SPECC1: variants seen among roughly 807,000 people sequenced by gnomAD.
The protein encoded by SPECC1 is cytospin-B.
In SPECC1, 62 loss-of-function variants were observed where a neutral mutation model predicts 104.1. The observed-to-expected ratio is 0.60, with a 90% CI of 0.49 to 0.74. The LOEUF (loss-of-function observed/expected upper bound fraction) is 0.74, where lower values mean the gene tolerates loss of function less well. SPECC1 is among the 30% of genes least tolerant of loss of function. The probability of loss-of-function intolerance (pLI) is 0.00; values close to 1 mark genes in which losing one functional copy is unlikely to be tolerated. For synonymous variants in SPECC1, 513 were observed against 501.6 expected (o/e 1.02, Z -0.30); for missense variants, 1,306 against 1,310.5 (o/e 1.00, Z 0.05).
At chr17:20,084,023 A>G (rs967284344) in intron 1 of SPECC1, among the ~76,000 whole-genome samples, 3 of 152,176 alleles carry the variant, frequency 2.0e-5, no homozygotes, top group Non-Finnish European at 2.9e-5. Flanking sequence ...TTGCCATCCA[A>G]ATATCTTGTG....
intron 1 of SPECC1, among the ~76,000 whole-genome samples, chr17:20,010,496 C>G (rs2043904547): frequency 1.3e-5 from 2 of 152,196 alleles, no homozygotes; most frequent in African/African-American, 4.8e-5. Flanking sequence ...ACAGGCTTGT[C>G]AATCCTAATA....
At chr17:20,156,334 C>T (rs527784255) in intron 3 of SPECC1, 2 of 1,255,582 alleles carry the variant, frequency 1.6e-6, no homozygotes. Context: ...CCGACTGGGG[C>T]GAGCGAAAGG....
intron 1 of SPECC1, among the ~76,000 whole-genome samples, chr17:20,044,742 G>A (rs1309255209): frequency 1.3e-5 from 2 of 152,170 alleles, no homozygotes; most frequent in Non-Finnish European, 2.9e-5. Flanking sequence ...GCTGAGTCTA[G>A]CTTTGAGACT....
intron 3 of SPECC1, among the ~76,000 whole-genome samples, chr17:20,164,355 C>T (rs1359082477): frequency 6.6e-6 from 1 of 151,720 alleles, no homozygotes; most frequent in Admixed American, 6.6e-5. Context: ...TTGGTGCAGA[C>T]GGGGTCTCAC....
In SPECC1 at chr17:20,096,709, GACC is replaced by G; in HGVS notation, c.59_61del (p.Asp20_Arg21delinsGly). 1.9e-6 allele frequency: 3 copies of G among 1,614,252 alleles called. No individual in the cohort carries two copies. The highest frequency in any genetic ancestry group is 2.5e-6 in the Non-Finnish European group (3 of 1,180,026). ...CATCAGAGCAGGGGGCCACGGCCCA[GACC>G]GGGTGCGGCCTCTGCCTGCAGCCTC... On this transcript the variant is annotated inframe_deletion, in exon 2 of 15. Transcript: ENST00000395527.
At chr17:20,083,002 G>GTTCGTTCGTTCGTTCA (rs1198476937) in intron 1 of SPECC1, among the ~76,000 whole-genome samples, 8 of 145,906 alleles carry the variant, frequency 5.5e-5, no homozygotes, top group African/African-American at 1.6e-4. Context: ...TCGTTCGTTC[G>GTTCGTTCGTTCGTTCA]TTCATTCATC....
intron 1 of SPECC1, among the ~76,000 whole-genome samples, chr17:20,025,041 G>T (rs1259261444): frequency 6.6e-6 from 1 of 152,182 alleles, no homozygotes; most frequent in Non-Finnish European, 1.5e-5. Context: ...TATAAGTTTA[G>T]CCTAGTCAGT....
chr17:20,306,353 C>G (rs971834829), intron 14 of SPECC1, among the ~76,000 whole-genome samples: 3 of 152,102 alleles, frequency 2.0e-5, no homozygotes, highest in African/African-American at 7.2e-5. Flanking sequence ...TTCAGAACAC[C>G]TAGAAATCTG....
intron 14 of SPECC1, among the ~76,000 whole-genome samples, chr17:20,307,172 A>T (rs2041792049): frequency 6.6e-6 from 1 of 152,250 alleles, no homozygotes; most frequent in African/African-American, 2.4e-5. Flanking sequence ...TAAAAAATAT[A>T]AAATATAATG....
intron 12 of SPECC1, among the ~76,000 whole-genome samples, chr17:20,277,692 T>C (rs2040618657): frequency 6.6e-6 from 1 of 152,234 alleles, no homozygotes; most frequent in Admixed American, 6.5e-5. Flanking sequence ...GTTTTCATCA[T>C]CCCAAACTGA....
At chr17:20,258,847 G>T (rs1169525822) in intron 11 of SPECC1, among the ~76,000 whole-genome samples, 1 of 152,138 alleles carries the variant, frequency 6.6e-6, no homozygotes, top group Admixed American at 6.5e-5. Flanking sequence ...CACTTTTTTG[G>T]GTGTTTAGTT....
At chr17:20,040,610 G>A (rs918988974) in intron 1 of SPECC1, among the ~76,000 whole-genome samples, 3 of 152,222 alleles carry the variant, frequency 2.0e-5, no homozygotes, top group Admixed American at 6.5e-5. Context: ...ATTTTGTGTT[G>A]ACACTTCTTT....
intron 7 of SPECC1, chr17:20,238,191 G>A (rs2039022906): frequency 2.5e-5 from 26 of 1,036,982 alleles, no homozygotes; most frequent in Non-Finnish European, 2.6e-5. Context: ...ATGTTATTAA[G>A]CCGGATAGGT....
At chr17:20,225,467 G>A (rs2038143385) in intron 4 of SPECC1, among the ~76,000 whole-genome samples, 1 of 152,198 alleles carries the variant, frequency 6.6e-6, no homozygotes, top group Non-Finnish European at 1.5e-5. Flanking sequence ...CTCTGGCTAG[G>A]GCTGGTCTAA....
intron 1 of SPECC1, among the ~76,000 whole-genome samples, chr17:20,079,228 C>T (rs1047584246): frequency 1.5e-4 from 23 of 151,804 alleles, no homozygotes; most frequent in African/African-American, 5.4e-4. Context: ...GGCTCGTAGA[C>T]GCCCCCGAGG....
chr17:20,208,690 G>A (rs190954557), intron 4 of SPECC1, among the ~76,000 whole-genome samples: 209 of 152,298 alleles, frequency 1.4e-3, no homozygotes, highest in Middle Eastern at 3.4e-3. Flanking sequence ...TCCTGGTCTC[G>A]TATCTAATTC....
rs2043855989 is a variant in SPECC1 at position 20,009,474 on chromosome 17, C to A, written c.-22+50C>A. 1 of 152,242 alleles carries A rather than the reference C, an allele frequency of 6.6e-6. No individual in the cohort carries two copies. Among genetic ancestry groups the A allele is most frequent in the Admixed American group, 6.5e-5 (1 of 15,274 alleles). 9.4% of individuals were successfully genotyped at this position (152,242 alleles called of 1,614,324 possible). On this transcript the variant is annotated intron_variant, in intron 1 of 14. Coordinates refer to ENST00000395527, the MANE Select transcript of SPECC1 (RefSeq NM_001243439.2). The surrounding 1 kb of genome is among the most constrained non-coding windows in gnomAD (Gnocchi z 5.2). ...CCGCCCGCCGGCCGGCTCTTTGCGC[C>A]TCAGCCGCGTGGTCTGAAGGGATGG...
chr17:20,299,193 C>T (rs1037624221), intron 13 of SPECC1, among the ~76,000 whole-genome samples: 1 of 151,678 alleles, frequency 6.6e-6, no homozygotes, highest in Non-Finnish European at 1.5e-5. Context: ...AAGGCCTTCA[C>T]CTGATTAGAT....
rs1395919924 is a variant in SPECC1, at chr17:20,298,984, G to GTGTGTGTGTGTGTGTGT, written c.3057+1907_3057+1908insTGTGTGTGTGTGTGTGT. Among the ~76,000 whole-genome samples, 374 of 76,672 alleles carry GTGTGTGTGTGTGTGTGT rather than the reference G, an allele frequency of 4.9e-3. 62 individuals are homozygous for GTGTGTGTGTGTGTGTGT. The highest frequency in any genetic ancestry group is 0.02 in the East Asian group (31 of 1,572). 50.3% of individuals were successfully genotyped at this position (76,672 alleles called of 152,430 possible). A position where few individuals can be genotyped will look rare whatever the true frequency, so the allele number is the denominator to read the frequency against. On this transcript the variant is annotated intron_variant, in intron 13 of 14. Transcript: ENST00000395527. Reference sequence around the variant, plus strand: ...GTGTGTGTGTGTGTATGTAGAGAGAGAGAGAGAGAGAGGTGGGGGCTGGGG... The same window carrying GTGTGTGTGTGTGTGTGT: ...GTGTGTGTGTGTGTATGTAGAGAGAGTGTGTGTGTGTGTGTGTAGAGAGAGAGAGGTGGGGGCTGGGG...
Sources: allele counts gnomAD v4.1 joint callset (sites outside exome capture counted in the v4.1 genomes callset), GRCh38; gene constraint gnomAD v4.1.1; non-coding constraint Gnocchi (gnomAD v3.1); transcripts MANE v1.5; gene names NCBI Gene and HGNC (gene_info 2026-07-23, HGNC 2026-07-21).